Variants in RASSF6 observed in about 807,000 individuals in gnomAD.
The protein encoded by RASSF6 is ras association domain-containing protein 6.
In RASSF6, 52 loss-of-function variants were observed where a neutral mutation model predicts 44.0. That is an observed-to-expected ratio of 1.18 (90% confidence interval 0.95 to 1.49). The LOEUF is 1.49. RASSF6 is among the 40% of genes most tolerant of loss of function. RASSF6 has a pLI of 0.00. For synonymous variants in RASSF6, 162 were observed against 124.6 expected (o/e 1.30, Z -2.00); for missense variants, 464 against 393.3 (o/e 1.18, Z -1.52).
intron 1 of RASSF6, among the ~76,000 whole-genome samples, chr4:73,612,527 A>T (rs1726094044): frequency 2.1e-5 from 3 of 141,844 alleles, no homozygotes; most frequent in South Asian, 2.2e-4. Flanking sequence ...AAGGGGGTGG[A>T]TTTCCTCCTT....
At chr4:73,603,231 T>C (rs1725400397) in intron 2 of RASSF6, among the ~76,000 whole-genome samples, 3 of 152,180 alleles carry the variant, frequency 2.0e-5, no homozygotes. Context: ...GTAACAAGGG[T>C]GTTTTTAAAC....
At chr4:73,610,222 T>G (rs1005586962) in intron 2 of RASSF6, among the ~76,000 whole-genome samples, 1 of 152,186 alleles carries the variant, frequency 6.6e-6, no homozygotes, top group Non-Finnish European at 1.5e-5. Context: ...CTAACCCTTC[T>G]GGAAATCCTA....
At chr4:73,618,320 T>TCTATCTATCTATCTATCTATCTAA (rs1219380460) in intron 1 of RASSF6, among the ~76,000 whole-genome samples, 1 of 151,978 alleles carries the variant, frequency 6.6e-6, no homozygotes, top group Non-Finnish European at 1.5e-5. Context: ...TATCTATCTA[T>TCTATCTATCTATCTATCTATCTAA]CTAAACAGAT....
In RASSF6 at chr4:73,601,628, T is replaced by C. The variant is rs111901987; in HGVS notation, c.66-2910A>G. On this transcript the variant is annotated intron_variant, in intron 2 of 10. Coordinates refer to ENST00000307439, the MANE Select transcript of RASSF6 (RefSeq NM_177532.5). Reference sequence around the variant, plus strand: ...CAAAGCAAGGAATTAGAAAAGAAAATTTAGAAGTTGCCTGAACAAATTATA... The same window carrying C: ...CAAAGCAAGGAATTAGAAAAGAAAACTTAGAAGTTGCCTGAACAAATTATA... Among the ~76,000 whole-genome samples, 1,204 of 152,240 alleles carry C rather than the reference T, an allele frequency of 7.9e-3. 19 individuals are homozygous for C. Among genetic ancestry groups the C allele is most frequent in the African/African-American group, 0.028 (1,148 of 41,542 alleles).
At chr4:73,605,347 A>G (rs1725549663) in intron 2 of RASSF6, among the ~76,000 whole-genome samples, 2 of 152,368 alleles carry the variant, frequency 1.3e-5, no homozygotes, top group South Asian at 4.1e-4. Context: ...GCTATTTGCC[A>G]AGATAAATCA....
At chr4:73,614,806 A>C (rs1726239283) in intron 1 of RASSF6, among the ~76,000 whole-genome samples, 2 of 152,208 alleles carry the variant, frequency 1.3e-5, no homozygotes, top group South Asian at 4.1e-4. Context: ...TTCTGACTTT[A>C]GGAAGGAAGA....
intron 3 of RASSF6, among the ~76,000 whole-genome samples, chr4:73,597,320 G>A (rs1429915011): frequency 6.6e-6 from 1 of 152,148 alleles, no homozygotes; most frequent in South Asian, 2.1e-4. Flanking sequence ...CAAAGGACAT[G>A]AGCAAACACT....
chr4:73,605,205 AGAAACGTGT>A (rs1725542204), intron 2 of RASSF6, among the ~76,000 whole-genome samples: 2 of 152,198 alleles, frequency 1.3e-5, no homozygotes, highest in South Asian at 4.1e-4. Flanking sequence ...ATTCTATATA[AGAAACGTGT>A]GATACTTTCA....
chr4:73,590,828 C>T (rs983102702), intron 4 of RASSF6, among the ~76,000 whole-genome samples: 1 of 152,186 alleles, frequency 6.6e-6, no homozygotes, highest in African/African-American at 2.4e-5. Context: ...ACAAGCCAGT[C>T]AAGGTTTCTA....
At chr4:73,581,237 T>A (rs548705597) in intron 8 of RASSF6, among the ~76,000 whole-genome samples, 1 of 152,184 alleles carries the variant, frequency 6.6e-6, no homozygotes, top group African/African-American at 2.4e-5. Context: ...TTTTAAAAAC[T>A]TTCATTTCAG....
chr4:73,589,286 G>A (rs1379731460), intron 4 of RASSF6, among the ~76,000 whole-genome samples: 1 of 152,136 alleles, frequency 6.6e-6, no homozygotes, highest in Non-Finnish European at 1.5e-5. Context: ...TCCTGACTCA[G>A]AATCTAATTA....
At chr4:73,609,932 C>T (rs1482596690) in intron 2 of RASSF6, among the ~76,000 whole-genome samples, 1 of 152,178 alleles carries the variant, frequency 6.6e-6, no homozygotes, top group Non-Finnish European at 1.5e-5. Context: ...CAGTATGCAT[C>T]AGAATCACAT....
intron 1 of RASSF6, among the ~76,000 whole-genome samples, chr4:73,612,278 A>G (rs1054854054): frequency 3.3e-5 from 5 of 152,128 alleles, no homozygotes; most frequent in African/African-American, 9.7e-5. Context: ...CAAGCTCTGG[A>G]AACTGTGGTC....
At position 73,572,384 on chromosome 4, in the gene RASSF6, T is replaced by TA. The variant is rs1330880229; in HGVS notation, c.*3850dup. ...GTATTAAAAGTAAGTCCCTAATTGC[T>TA]AAAAGAGTACATTTTTAAATGTTCT... On this transcript the variant is annotated 3_prime_UTR_variant, in exon 11 of 11. Coordinates refer to ENST00000307439, the MANE Select transcript of RASSF6 (RefSeq NM_177532.5). 11 of 152,274 alleles carry TA rather than the reference T, an allele frequency of 7.2e-5. No homozygotes were observed. The East Asian group carries it at 2.1e-3, about 29-fold the overall frequency. The allele number at this position is 152,274 out of a possible 1,614,324, so 9.4% of individuals were successfully genotyped here. A position where few individuals can be genotyped will look rare whatever the true frequency, so the allele number is the denominator to read the frequency against.
At chr4:73,606,289 T>C (rs1054151912) in intron 2 of RASSF6, among the ~76,000 whole-genome samples, 2 of 152,216 alleles carry the variant, frequency 1.3e-5, no homozygotes, top group African/African-American at 2.4e-5. Flanking sequence ...CCGGAGGCTA[T>C]TATCCTAAGT....
intron 4 of RASSF6, among the ~76,000 whole-genome samples, chr4:73,591,338 G>A (rs1336037094): frequency 1.3e-5 from 2 of 151,948 alleles, no homozygotes; most frequent in South Asian, 2.1e-4. Context: ...ATGGTTTAAG[G>A]TGATACTAAA....
chr4:73,576,386 C>A, intron 10 of RASSF6, 24 bp downstream of exon 10: 2 of 1,476,454 alleles, frequency 1.4e-6, no homozygotes, highest in South Asian at 1.2e-5. Context: ...AACGGAGTAT[C>A]CAATGTGCAT....
chr4:73,578,614 A>T (rs1578015647), intron 8 of RASSF6, among the ~76,000 whole-genome samples: 1 of 148,168 alleles, frequency 6.7e-6, no homozygotes, highest in African/African-American at 2.5e-5. Context: ...TATTGTACAC[A>T]CCTTTAAACA....
At chr4:73,577,444 G>A (rs902659563) in intron 8 of RASSF6, among the ~76,000 whole-genome samples, 3 of 152,122 alleles carry the variant, frequency 2.0e-5, no homozygotes, top group African/African-American at 7.2e-5. Context: ...ACAAAACATA[G>A]TGTCCTTATA....
Sources: allele counts gnomAD v4.1 joint callset (sites outside exome capture counted in the v4.1 genomes callset), GRCh38; gene constraint gnomAD v4.1.1; transcripts MANE v1.5; gene names NCBI Gene and HGNC (gene_info 2026-07-23, HGNC 2026-07-21).